INTS9: variants seen among roughly 807,000 people sequenced by gnomAD.
INTS9 encodes protein related to CPSF subunits of 74 kDa.
In INTS9, 55 loss-of-function variants were observed where a neutral mutation model predicts 79.7. The ratio of observed to expected loss-of-function variants is 0.69; its 90% CI spans 0.56 to 0.86. The LOEUF is 0.86. Among genes scored for constraint, INTS9 ranks in the 40% least tolerant of loss-of-function variants. INTS9 has a pLI of 0.00. For synonymous variants in INTS9, 319 were observed against 325.2 expected, an observed-to-expected ratio of 0.98 and a Z score of 0.20; for missense variants, 721 against 831.5, an observed-to-expected ratio of 0.87 and a Z score of 1.64.
chr8:28,772,252 C>T (rs894592308), intron 14 of INTS9, among the ~76,000 whole-genome samples: 4 of 152,002 alleles, frequency 2.6e-5, no homozygotes, highest in African/African-American at 7.2e-5. Flanking sequence ...TGGCTGGGTG[C>T]GGTGGCTCAC....
intron 4 of INTS9, among the ~76,000 whole-genome samples, chr8:28,843,831 C>A (rs1343549374): frequency 6.6e-6 from 1 of 151,422 alleles, no homozygotes; most frequent in Non-Finnish European, 1.5e-5. Context: ...AGGTTTCAAT[C>A]TACATATCAG....
chr8:28,784,868 G>T (rs1585347616), intron 11 of INTS9, among the ~76,000 whole-genome samples: 1 of 152,306 alleles, frequency 6.6e-6, no homozygotes, highest in African/African-American at 2.4e-5. Context: ...TGTTATCAAT[G>T]CTCCTAATAG....
chr8:28,837,588 G>T (rs757752314), intron 5 of INTS9, 49 bp downstream of exon 5: 2 of 1,587,602 alleles, frequency 1.3e-6, no homozygotes, highest in South Asian at 1.1e-5. Flanking sequence ...ATCACTGAGG[G>T]AGGAGCTCCG....
intron 6 of INTS9, among the ~76,000 whole-genome samples, chr8:28,825,420 A>G (rs1312267731): frequency 6.6e-6 from 1 of 152,206 alleles, no homozygotes; most frequent in Non-Finnish European, 1.5e-5. Flanking sequence ...CTGACTAGAA[A>G]GTCACACACA....
intron 10 of INTS9, among the ~76,000 whole-genome samples, chr8:28,793,543 T>C (rs1804029852): frequency 1.3e-5 from 2 of 152,202 alleles, no homozygotes; most frequent in South Asian, 4.1e-4. Context: ...GTGATAAGTA[T>C]ATAAGATTTT....
intron 1 of INTS9, among the ~76,000 whole-genome samples, chr8:28,873,147 CATTAG>C (rs1376731196): frequency 6.6e-6 from 1 of 152,130 alleles, no homozygotes; most frequent in Non-Finnish European, 1.5e-5. Context: ...AAAGAACTCT[CATTAG>C]TTTAGTCAGA....
At chr8:28,866,936 CTGCACTCCAG>C (rs1808784083) in intron 1 of INTS9, among the ~76,000 whole-genome samples, 1 of 150,796 alleles carries the variant, frequency 6.6e-6, no homozygotes, top group South Asian at 2.1e-4. Context: ...GATCGCACCA[CTGCACTCCAG>C]CCTGGGTGAC....
In INTS9 at chr8:28,854,230, G is replaced by A. The variant is rs570633458; in HGVS notation, c.138-3957C>T. Among the ~76,000 whole-genome samples, 169 of 152,280 alleles carry A rather than the reference G, an allele frequency of 1.1e-3. 1 individual carries two copies. Among genetic ancestry groups the A allele is most frequent in the African/African-American group, 3.9e-3 (164 of 41,538 alleles). ...CAGAAAATAATAGTGAAAGAGGCATGAGTCCATTCATTCATTTATTCAAAA... is the reference window on the plus strand; with the variant it reads ...CAGAAAATAATAGTGAAAGAGGCATAAGTCCATTCATTCATTTATTCAAAA... On this transcript the variant is annotated intron_variant, in intron 2 of 16. Transcript: ENST00000521022.
chr8:28,798,501 T>C (rs1309041204), intron 8 of INTS9: 1 of 152,126 alleles, frequency 6.6e-6, no homozygotes, highest in African/African-American at 2.4e-5. Context: ...TGTGTAAACT[T>C]TTCTTTTTTC....
chr8:28,883,732 ATC>A lies in INTS9; in HGVS notation c.9+6140_9+6141del, dbSNP rs76333786. Among the ~76,000 whole-genome samples the A allele has an allele frequency of 1.8e-3, 276 of 152,290 alleles. 6 individuals carry two copies. The East Asian group carries it at 0.045, about 25-fold the overall frequency. Reference sequence around the variant, plus strand: ...CACGTTCCATATAGGCTGGGGATAAATCTGTTTTGTTCACTGCAATATGCTTA... The same window carrying A: ...CACGTTCCATATAGGCTGGGGATAAATGTTTTGTTCACTGCAATATGCTTA... On this transcript the variant is annotated intron_variant, in intron 1 of 16. Transcript: ENST00000521022.
intron 13 of INTS9, among the ~76,000 whole-genome samples, 194 bp downstream of exon 13, chr8:28,777,635 C>A (rs1261839155): frequency 6.6e-6 from 1 of 151,258 alleles, no homozygotes; most frequent in Non-Finnish European, 1.5e-5. Flanking sequence ...AGAATGGAAA[C>A]TGCGGTCAGG....
At chr8:28,792,587 A>T (rs1451773625) in intron 10 of INTS9, among the ~76,000 whole-genome samples, 1 of 152,144 alleles carries the variant, frequency 6.6e-6, no homozygotes, top group Non-Finnish European at 1.5e-5. Flanking sequence ...TGGTGCAATC[A>T]GAATAAAGAT....
intron 16 of INTS9, 66 bp from the exon 17 acceptor site, chr8:28,768,388 A>T: frequency 2.1e-6 from 3 of 1,443,966 alleles, no homozygotes; most frequent in Non-Finnish European, 2.9e-6. Context: ...TGTAAATGAC[A>T]CTTCACAGAC....
At position 28,767,991 on chromosome 8, in the gene INTS9, C is replaced by G; in HGVS notation, c.*155G>C. The G allele has an allele frequency of 1.4e-6, 1 of 710,408 alleles. No homozygotes were observed. The allele number at this position is 710,408 out of a possible 1,614,324, so 44.0% of individuals were successfully genotyped here. On this transcript the variant is annotated 3_prime_UTR_variant, in exon 17 of 17. Coordinates refer to ENST00000521022, the MANE Select transcript of INTS9 (RefSeq NM_018250.4). ...CCTGAAACAGTGCTGGGAATAAGTC[C>G]AGACCATTTCCCTCAAGAGCCACCT...
intron 6 of INTS9, among the ~76,000 whole-genome samples, chr8:28,829,035 T>A (rs1363326931): frequency 6.6e-6 from 1 of 152,186 alleles, no homozygotes; most frequent in Admixed American, 6.5e-5. Context: ...AAGTTGTAAG[T>A]ATTAAAAAGT....
chr8:28,776,415 A>G, intron 13 of INTS9: 1 of 141,776 alleles, frequency 7.1e-6, no homozygotes, highest in Admixed American at 7.3e-5. Flanking sequence ...GCAACCAAGG[A>G]GCAGAGGCAG....
At chr8:28,851,513 C>T (rs1187885123) in intron 2 of INTS9, among the ~76,000 whole-genome samples, 1 of 152,050 alleles carries the variant, frequency 6.6e-6, no homozygotes, top group Non-Finnish European at 1.5e-5. Flanking sequence ...TCTCGGCTCA[C>T]TGCAACCTCT....
chr8:28,820,771 A>C (rs148653610), intron 6 of INTS9, among the ~76,000 whole-genome samples: 1 of 152,330 alleles, frequency 6.6e-6, no homozygotes, highest in Non-Finnish European at 1.5e-5. Flanking sequence ...AATCAGAATG[A>C]TGACAGAAAC....
chr8:28,791,462 T>C (rs1437649276), intron 10 of INTS9, among the ~76,000 whole-genome samples: 1 of 152,084 alleles, frequency 6.6e-6, no homozygotes, highest in Non-Finnish European at 1.5e-5. Flanking sequence ...CACCCACACA[T>C]CACCGCCGGC....
Sources: allele counts gnomAD v4.1 joint callset (sites outside exome capture counted in the v4.1 genomes callset), GRCh38; gene constraint gnomAD v4.1.1; transcripts MANE v1.5; gene names NCBI Gene and HGNC (gene_info 2026-07-23, HGNC 2026-07-21).